CNIH3: variants seen among roughly 807,000 people sequenced by gnomAD.
CNIH3 encodes the protein protein cornichon homolog 3.
CNIH3 carries 14 observed loss-of-function variants against 24.1 expected under a neutral mutation model. The ratio of observed to expected loss-of-function variants is 0.58; its 90% confidence interval spans 0.38 to 0.91. The LOEUF (loss-of-function observed/expected upper bound fraction) is 0.91, where lower values mean the gene tolerates loss of function less well. Ranked by LOEUF, CNIH3 falls within the 40% of genes least tolerant of loss-of-function variation. CNIH3 has a pLI of 0.00. For missense variants in CNIH3, 178 were observed against 196.8 expected (o/e 0.90, Z 0.57); for synonymous variants, 68 against 73.8 (o/e 0.92, Z 0.40).
intron 1 of CNIH3, among the ~76,000 whole-genome samples, chr1:224,641,441 C>T (rs963056969): frequency 2.6e-5 from 4 of 152,188 alleles, no homozygotes; most frequent in East Asian, 1.9e-4. Context: ...CCAGGTGCAA[C>T]GCCCTGGGGT....
At chr1:224,629,927 T>A (rs927751133) in intron 1 of CNIH3, among the ~76,000 whole-genome samples, 2 of 152,192 alleles carry the variant, frequency 1.3e-5, no homozygotes, top group Non-Finnish European at 2.9e-5. Context: ...AAAATAGTTA[T>A]AAAATCTTTA....
intron 3 of CNIH3, among the ~76,000 whole-genome samples, chr1:224,558,193 T>C (rs1045351525): frequency 3.3e-5 from 5 of 152,212 alleles, no homozygotes; most frequent in Non-Finnish European, 7.3e-5. Context: ...ACCTGCCTGA[T>C]GATAACTGGT....
chr1:224,523,032 C>T (rs939024866), intron 2 of CNIH3, among the ~76,000 whole-genome samples: 13 of 151,958 alleles, frequency 8.6e-5, no homozygotes, highest in Non-Finnish European at 1.3e-4. Context: ...ACCAGGAATT[C>T]GAGACCAGCC....
In CNIH3 at chr1:224,571,734, CAA is replaced by C. The variant is rs574240124; in HGVS notation, n.516+5472_516+5473del. Reference sequence around the variant, plus strand: ...AGTGAGACTCCATCTCAAAAACAAACAAAGAAAAAAACCCCAAGCAGGTCCAA... The same window carrying C: ...AGTGAGACTCCATCTCAAAAACAAACAGAAAAAAACCCCAAGCAGGTCCAA... On this transcript the variant is annotated intron_variant and non_coding_transcript_variant, in intron 4 of 5. Coordinates refer to the CNIH3 transcript ENST00000471578. 8.6e-5 allele frequency among the ~76,000 whole-genome samples: 13 copies of C among 151,976 alleles called. No homozygotes were observed. The South Asian group carries it at 2.7e-3, about 32-fold the overall frequency.
chr1:224,542,574 A>G (rs1193142473), downstream of CNIH3, among the ~76,000 whole-genome samples: 1 of 152,178 alleles, frequency 6.6e-6, no homozygotes, highest in Non-Finnish European at 1.5e-5. Context: ...CTTGGTAGAA[A>G]ATAGCAGAAA....
At chr1:224,477,900 C>T (rs892625874) in intron 1 of CNIH3, among the ~76,000 whole-genome samples, 3 of 152,088 alleles carry the variant, frequency 2.0e-5, no homozygotes, top group Non-Finnish European at 4.4e-5. Flanking sequence ...GTCTTTATTT[C>T]TCCTTTATGT....
chr1:224,714,592 T>G (rs758345662), intron 3 of CNIH3, among the ~76,000 whole-genome samples: 4 of 152,200 alleles, frequency 2.6e-5, no homozygotes, highest in African/African-American at 7.2e-5. Flanking sequence ...GTGCCGTGGT[T>G]TGAGGTGATA....
intron 3 of CNIH3, among the ~76,000 whole-genome samples, chr1:224,611,239 C>A (rs1009409674): frequency 2.0e-5 from 3 of 152,260 alleles, no homozygotes; most frequent in East Asian, 1.9e-4. Flanking sequence ...GTCAGGAGGG[C>A]AAAAGAGCTT....
intron 2 of CNIH3, among the ~76,000 whole-genome samples, chr1:224,529,696 A>G (rs1678987624): frequency 1.3e-5 from 2 of 152,224 alleles, no homozygotes; most frequent in South Asian, 4.1e-4. Context: ...CAGAGAGGGA[A>G]GGTTATTTTC....
intron 1 of CNIH3, among the ~76,000 whole-genome samples, chr1:224,456,670 G>T (rs1310400600): frequency 1.3e-5 from 2 of 152,178 alleles, no homozygotes; most frequent in South Asian, 2.1e-4. Context: ...CTCGGCCTCC[G>T]AAAGTGCCGG....
intron 3 of CNIH3, among the ~76,000 whole-genome samples, chr1:224,690,658 G>T (rs1686885891): frequency 6.6e-6 from 1 of 152,336 alleles, no homozygotes; most frequent in South Asian, 2.1e-4. Context: ...CCAAGGATTT[G>T]TCCAGTCCCA....
intron 4 of CNIH3, among the ~76,000 whole-genome samples, chr1:224,580,310 C>T (rs1307516721): frequency 6.6e-6 from 1 of 152,110 alleles, no homozygotes; most frequent in African/African-American, 2.4e-5. Context: ...TTCCAGTTTC[C>T]GTTACCATTG....
At chr1:224,496,500 G>T (rs1051117693) in intron 1 of CNIH3, among the ~76,000 whole-genome samples, 5 of 152,200 alleles carry the variant, frequency 3.3e-5, no homozygotes, top group Non-Finnish European at 7.3e-5. Context: ...CTTCCAGGTG[G>T]TATAGCAGTA....
At chr1:224,574,562 C>A (rs557158323) in intron 4 of CNIH3, 2 of 764,242 alleles carry the variant, frequency 2.6e-6, no homozygotes, top group Non-Finnish European at 4.8e-6. Context: ...ACTGCCACAT[C>A]GACTGTGCCC....
chr1:224,590,684 C>G (rs904743610), downstream of CNIH3, among the ~76,000 whole-genome samples: 8 of 152,134 alleles, frequency 5.3e-5, no homozygotes, highest in African/African-American at 2.4e-5. Context: ...CCTAAACACC[C>G]CCCCTTAGGT....
chr1:224,467,584 C>T (rs1195391352), intron 1 of CNIH3, among the ~76,000 whole-genome samples: 4 of 152,004 alleles, frequency 2.6e-5, no homozygotes, highest in African/African-American at 7.3e-5. Context: ...CCACCAAGCC[C>T]GGCTAATTTT....
chr1:224,644,689 T>G (rs1025155730), intron 1 of CNIH3, among the ~76,000 whole-genome samples: 1 of 152,214 alleles, frequency 6.6e-6, no homozygotes, highest in African/African-American at 2.4e-5. Flanking sequence ...GACTGCTGTA[T>G]GCCAAACAAT....
At chr1:224,613,708 G>A (rs1042987554), upstream of CNIH3, among the ~76,000 whole-genome samples, 1 of 152,090 alleles carries the variant, frequency 6.6e-6, no homozygotes, top group African/African-American at 2.4e-5. Context: ...ACACTCTCTT[G>A]CTCTTGCTTT....
chr1:224,582,027 T>C (rs987228407), intron 4 of CNIH3, among the ~76,000 whole-genome samples: 1 of 152,102 alleles, frequency 6.6e-6, no homozygotes, highest in African/African-American at 2.4e-5. Flanking sequence ...ATGCACAAAA[T>C]AGGGAAAGAA....
Sources: allele counts gnomAD v4.1 joint callset (sites outside exome capture counted in the v4.1 genomes callset), GRCh38; gene constraint gnomAD v4.1.1; transcripts MANE v1.5; gene names NCBI Gene and HGNC (gene_info 2026-07-23, HGNC 2026-07-21).